SORCS3: variants seen among roughly 807,000 people sequenced by gnomAD.
The protein encoded by SORCS3 is VPS10 domain-containing receptor SorCS3.
A neutral mutation model predicts 146.3 loss-of-function variants in SORCS3; 57 were observed. The observed-to-expected ratio is 0.39, with a 90% confidence interval of 0.31 to 0.49. The LOEUF is 0.49. SORCS3 is among the 20% of genes least tolerant of loss of function. The pLI is 0.92. For missense variants in SORCS3, 1,341 were observed against 1,575.5 expected (o/e 0.85, Z 2.52); for synonymous variants, 653 against 618.5 (o/e 1.06, Z -0.83).
chr10:104,957,808 TAC>T (rs1380729536), intron 3 of SORCS3, among the ~76,000 whole-genome samples: 1 of 152,140 alleles, frequency 6.6e-6, no homozygotes, highest in East Asian at 1.9e-4. Context: ...GATGGATCAT[TAC>T]AGAGACTACC....
At chr10:104,735,456 G>GTTCTTTTTTTTTTTTT (rs2016757341) in intron 1 of SORCS3, among the ~76,000 whole-genome samples, 1 of 34,994 alleles carries the variant, frequency 2.9e-5, no homozygotes, top group Admixed American at 3.7e-4. Flanking sequence ...CTCACCGTCT[G>GTTCTTTTTTTTTTTTT]TTTTTTTTTT....
At position 105,242,801 on chromosome 10, in the gene SORCS3, T is replaced by C. The variant is rs866844183; in HGVS notation, c.2869-2741T>C. Reference sequence around the variant, plus strand: ...ATTTATATATTTATATACATTTATATATAATTTATATATATTTTTATATAT... The same window carrying C: ...ATTTATATATTTATATACATTTATACATAATTTATATATATTTTTATATAT... On this transcript the variant is annotated intron_variant, in intron 20 of 26. Transcript: ENST00000369701. Among the ~76,000 whole-genome samples, 527 of 105,382 alleles carry C rather than the reference T, an allele frequency of 5.0e-3. 3 individuals carry two copies. The highest frequency in any genetic ancestry group is 0.02 in the African/African-American group (502 of 25,334). The allele number at this position is 105,382 out of a possible 152,430, so 69.1% of individuals were successfully genotyped here.
chr10:104,818,393 CTTCCTTCCTTCT>C (rs1173383365), intron 1 of SORCS3, among the ~76,000 whole-genome samples: 1 of 147,814 alleles, frequency 6.8e-6, no homozygotes, highest in Non-Finnish European at 1.5e-5. Context: ...TCCTTCCTTC[CTTCCTTCCTTCT>C]TTCTCTCTTT....
chr10:104,668,448 G>T (rs2015810941), intron 1 of SORCS3, among the ~76,000 whole-genome samples: 1 of 152,124 alleles, frequency 6.6e-6, no homozygotes, highest in African/African-American at 2.4e-5. Flanking sequence ...TCCTGGTTTA[G>T]CCTCTTACTA....
intron 2 of SORCS3, among the ~76,000 whole-genome samples, chr10:104,848,664 C>A (rs2018235302): frequency 6.6e-6 from 1 of 152,198 alleles, no homozygotes; most frequent in Admixed American, 6.5e-5. Context: ...AATCCTCCGT[C>A]TAAAACTGGG....
At chr10:105,235,686 G>A (rs1351079159) in intron 20 of SORCS3, among the ~76,000 whole-genome samples, 2 of 152,004 alleles carry the variant, frequency 1.3e-5, no homozygotes, top group Non-Finnish European at 1.5e-5. Context: ...ATAAGTGGGA[G>A]ATAACTTATC....
chr10:104,773,374 G>A (rs905434601), intron 1 of SORCS3, among the ~76,000 whole-genome samples: 3 of 152,218 alleles, frequency 2.0e-5, no homozygotes, highest in Non-Finnish European at 4.4e-5. Flanking sequence ...GTTGCCTAGT[G>A]ACTTTTAGAG....
At chr10:104,794,602 TGTGA>T (rs1273416188) in intron 1 of SORCS3, among the ~76,000 whole-genome samples, 48 of 132,924 alleles carry the variant, frequency 3.6e-4, no homozygotes, top group African/African-American at 1.3e-3. Context: ...TGTGTGTGTG[TGTGA>T]GAGAGAGAGA....
At chr10:105,218,335 G>A (rs1307799327) in intron 19 of SORCS3, among the ~76,000 whole-genome samples, 1 of 152,176 alleles carries the variant, frequency 6.6e-6, no homozygotes, top group African/African-American at 2.4e-5. Context: ...TTTTGTAATA[G>A]TAAACACACA....
At chr10:105,086,716 G>A (rs2055663137) in intron 5 of SORCS3, among the ~76,000 whole-genome samples, 1 of 152,208 alleles carries the variant, frequency 6.6e-6, no homozygotes, top group Non-Finnish European at 1.5e-5. Context: ...ACCTTAGGGA[G>A]AGAATGGAAG....
At chr10:104,967,109 G>C (rs1385459726) in intron 3 of SORCS3, among the ~76,000 whole-genome samples, 1 of 152,048 alleles carries the variant, frequency 6.6e-6, no homozygotes, top group African/African-American at 2.4e-5. Flanking sequence ...TAAGGCAGTG[G>C]CATGTTTAGT....
intron 14 of SORCS3, among the ~76,000 whole-genome samples, chr10:105,181,175 A>G (rs1356117016): frequency 1.3e-5 from 2 of 152,222 alleles, no homozygotes; most frequent in Non-Finnish European, 2.9e-5. Context: ...GGATAAATGA[A>G]TTATTAAATG....
intron 2 of SORCS3, among the ~76,000 whole-genome samples, chr10:104,910,869 G>A (rs576272442): frequency 3.3e-5 from 5 of 152,382 alleles, no homozygotes; most frequent in Admixed American, 1.3e-4. Flanking sequence ...CAGGTTAGTT[G>A]TGTGCACTGA....
chr10:104,665,881 C>T (rs963807392), intron 1 of SORCS3: 1 of 152,160 alleles, frequency 6.6e-6, no homozygotes, highest in East Asian at 1.9e-4. Flanking sequence ...ATCTAAGGCT[C>T]TGGTAAGGAA....
chr10:104,658,948 G>A (rs2015667205), intron 1 of SORCS3, among the ~76,000 whole-genome samples: 1 of 152,016 alleles, frequency 6.6e-6, no homozygotes, highest in Admixed American at 6.5e-5. Context: ...TTATGAAATG[G>A]TGTAAGTCGG....
At chr10:105,157,051 G>C (rs1257127761) in intron 9 of SORCS3, 87 bp from the exon 10 acceptor site, 35 of 1,489,862 alleles carry the variant, frequency 2.3e-5, no homozygotes, top group Non-Finnish European at 3.0e-5. Flanking sequence ...CATGCCGTGG[G>C]AAATTCTGCG....
chr10:104,720,998 A>G (rs1297371206), intron 1 of SORCS3, among the ~76,000 whole-genome samples: 1 of 152,104 alleles, frequency 6.6e-6, no homozygotes, highest in African/African-American at 2.4e-5. Flanking sequence ...CCATTTGTCA[A>G]CTTTGGCTTT....
intron 1 of SORCS3, among the ~76,000 whole-genome samples, chr10:104,643,404 C>T (rs72811692): frequency 0.06 from 9,164 of 152,284 alleles, 416 homozygotes; most frequent in Non-Finnish European, 0.091. Context: ...TAATGATGCA[C>T]AGCGCGGGCA....
At chr10:104,789,387 G>A (rs1012227743) in intron 1 of SORCS3, among the ~76,000 whole-genome samples, 9 of 152,086 alleles carry the variant, frequency 5.9e-5, no homozygotes, top group Non-Finnish European at 5.9e-5. Flanking sequence ...AGCTATTTGC[G>A]TCTGAGTGCA....
Sources: gnomAD v4.1 joint callset for allele counts (sites outside exome capture counted in the v4.1 genomes callset) on GRCh38, gnomAD v4.1.1 for gene constraint, MANE v1.5 for transcripts, NCBI Gene and HGNC (gene_info 2026-07-23, HGNC 2026-07-21) for gene names.